Variants in PLD5 observed in about 807,000 individuals in gnomAD.
PLD5 encodes the protein inactive phospholipase D5.
PLD5 carries 36 observed loss-of-function variants against 61.1 expected under a neutral mutation model. The ratio of observed to expected loss-of-function variants is 0.59; its 90% confidence interval spans 0.45 to 0.78. The LOEUF (loss-of-function observed/expected upper bound fraction) is 0.78, where lower values mean the gene tolerates loss of function less well. Among genes scored for constraint, PLD5 ranks in the 30% least tolerant of loss-of-function variants. The pLI, the probability that PLD5 is intolerant of heterozygous loss-of-function variation, is 0.00. For missense variants in PLD5, 515 were observed against 644.4 expected, an observed-to-expected ratio of 0.80 and a Z score of 2.17; for synonymous variants, 243 against 242.8, an observed-to-expected ratio of 1.00 and a Z score of -0.01.
chr1:242,189,988 A>G (rs1326109580), intron 5 of PLD5, among the ~76,000 whole-genome samples: 2 of 151,882 alleles, frequency 1.3e-5, no homozygotes, highest in Non-Finnish European at 2.9e-5. Context: ...TATATTGTGA[A>G]GATTCAATTG....
At chr1:242,163,298 C>G (rs1036717307) in intron 5 of PLD5, among the ~76,000 whole-genome samples, 8 of 151,924 alleles carry the variant, frequency 5.3e-5, no homozygotes, top group Non-Finnish European at 8.8e-5. Context: ...CGCCCGCCAC[C>G]ACGCCCGGCT....
intron 1 of PLD5, among the ~76,000 whole-genome samples, chr1:242,394,306 ATATATGTGTG>A (rs1663230311): frequency 2.4e-5 from 2 of 84,898 alleles, no homozygotes; most frequent in Non-Finnish European, 4.6e-5. Flanking sequence ...ATATATGAGT[ATATATGTGTG>A]TATATATGAG....
At chr1:242,314,814 C>T (rs1220438868) in intron 2 of PLD5, among the ~76,000 whole-genome samples, 6 of 151,946 alleles carry the variant, frequency 3.9e-5, no homozygotes. Context: ...TAACTCTGAT[C>T]ACAAGCTTTT....
At chr1:242,210,641 A>C (rs1669750213) in intron 5 of PLD5, 1 of 152,530 alleles carries the variant, frequency 6.6e-6, no homozygotes, top group Admixed American at 6.6e-5. Context: ...TTCTGGCTCA[A>C]AATCACCCCC....
chr1:242,280,428 T>C (rs1204478648), intron 3 of PLD5, among the ~76,000 whole-genome samples: 3 of 151,630 alleles, frequency 2.0e-5, no homozygotes, highest in Non-Finnish European at 3.0e-5. Context: ...AATTATGCTT[T>C]CATTAATTTA....
intron 2 of PLD5, among the ~76,000 whole-genome samples, chr1:242,329,021 T>TA (rs1292262382): frequency 1.3e-5 from 2 of 151,368 alleles, no homozygotes; most frequent in Non-Finnish European, 2.9e-5. Flanking sequence ...TATTTATTAT[T>TA]TTTTTGAGAC....
In PLD5 at chr1:242,424,194, C is replaced by T. The variant is rs575984680; in HGVS notation, c.190-75952G>A. Among the ~76,000 whole-genome samples the T allele has an allele frequency of 8.5e-5, 13 of 152,164 alleles. No homozygotes were observed. The East Asian group carries it at 2.5e-3, about 29-fold the overall frequency. On this transcript the variant is annotated intron_variant, in intron 1 of 9. Transcript: ENST00000536534. Reference sequence around the variant, plus strand: ...TTATTGTCCATTTATTTTACAATCCCTCTCAATCTGGCTCCTGCCCCACCC... The same window carrying T: ...TTATTGTCCATTTATTTTACAATCCTTCTCAATCTGGCTCCTGCCCCACCC...
rs7523793 is a variant in PLD5, at chr1:242,089,722, T to C, written c.*132A>G. On this transcript the variant is annotated 3_prime_UTR_variant, in exon 10 of 10. Transcript: ENST00000536534. ...ATATTGTTAGATAGGTATTATGTGT[T>C]GTTCAGAGAATATTTTTTATAAGTG... is the stretch of plus-strand genomic sequence containing the variant. 0.35 allele frequency: 415,051 copies of C among 1,175,142 alleles called. 75,547 individuals are homozygous for C. Among genetic ancestry groups the C allele is most frequent in the African/African-American group, 0.44 (28,862 of 64,970 alleles). The allele number at this position is 1,175,142 out of a possible 1,614,324, so 72.8% of individuals were successfully genotyped here.
intron 5 of PLD5, among the ~76,000 whole-genome samples, chr1:242,216,627 C>T (rs974729032): frequency 2.0e-5 from 3 of 152,216 alleles, no homozygotes; most frequent in South Asian, 2.1e-4. Context: ...ATGCAAGCTT[C>T]GCTGACTGTT....
chr1:242,283,658 A>T (rs1186269758), intron 3 of PLD5, among the ~76,000 whole-genome samples: 1 of 152,240 alleles, frequency 6.6e-6, no homozygotes, highest in Non-Finnish European at 1.5e-5. Context: ...AAGAAAATTT[A>T]AATTTGTTCA....
chr1:242,265,299 C>A (rs563087045), intron 4 of PLD5, 38 bp downstream of exon 4: 1 of 1,582,548 alleles, frequency 6.3e-7, no homozygotes, highest in East Asian at 2.3e-5. Context: ...CTTAACAGAA[C>A]ACCCAGCGGT....
chr1:242,207,991 TACACACACACAC>T lies in PLD5; in HGVS notation c.735+11985_735+11996del, dbSNP rs34110062. 2.7e-4 allele frequency among the ~76,000 whole-genome samples: 11 copies of T among 40,258 alleles called. 1 individual carries two copies. The highest frequency in any genetic ancestry group is 1.5e-3 in the African/African-American group (10 of 6,836). 26.4% of individuals were successfully genotyped at this position (40,258 alleles called of 152,430 possible). On this transcript the variant is annotated intron_variant, in intron 5 of 9. Coordinates refer to ENST00000536534, the MANE Select transcript of PLD5 (RefSeq NM_001372062.1). ...ATATATATTTTTATATATATATTTA[TACACACACACAC>T]ACACACACACACACACACACATACA...
intron 5 of PLD5, among the ~76,000 whole-genome samples, chr1:242,173,153 C>T (rs1666870593): frequency 6.6e-6 from 1 of 152,090 alleles, no homozygotes; most frequent in African/African-American, 2.4e-5. Context: ...ATCTAGAAAA[C>T]CCCATCGTCT....
chr1:242,452,918 T>C (rs1666833756), intron 1 of PLD5, among the ~76,000 whole-genome samples: 1 of 151,404 alleles, frequency 6.6e-6, no homozygotes, highest in South Asian at 2.1e-4. Context: ...GGTACAACAG[T>C]GAAAAGTCTG....
chr1:242,404,790 G>A (rs1340559055), intron 1 of PLD5, among the ~76,000 whole-genome samples: 1 of 149,742 alleles, frequency 6.7e-6, no homozygotes, highest in African/African-American at 2.5e-5. Flanking sequence ...TAATATCTAT[G>A]ACTCCCACCC....
chr1:242,505,317 G>A (rs1553439), intron 1 of PLD5, among the ~76,000 whole-genome samples: 32,795 of 152,120 alleles, frequency 0.22, 3,807 homozygotes, highest in African/African-American at 0.28. Context: ...TTTGTAACAG[G>A]AAGGTTTAAT....
chr1:242,506,739 T>C (rs531952527), intron 1 of PLD5, among the ~76,000 whole-genome samples: 1 of 152,298 alleles, frequency 6.6e-6, no homozygotes, highest in Non-Finnish European at 1.5e-5. Flanking sequence ...CAGAGCTACT[T>C]TGAAACCAAG....
intron 8 of PLD5, among the ~76,000 whole-genome samples, chr1:242,102,636 A>G (rs1474088210): frequency 2.0e-5 from 3 of 152,144 alleles, no homozygotes; most frequent in African/African-American, 7.2e-5. Flanking sequence ...CCTAGTTCCC[A>G]GGCCATGTGC....
intron 3 of PLD5, among the ~76,000 whole-genome samples, chr1:242,269,126 A>G (rs1480798860): frequency 2.0e-5 from 3 of 152,206 alleles, no homozygotes; most frequent in African/African-American, 7.2e-5. Context: ...TATAGGCATG[A>G]GCCACTGTGC....
Sources: allele counts gnomAD v4.1 joint callset (sites outside exome capture counted in the v4.1 genomes callset), GRCh38; gene constraint gnomAD v4.1.1; transcripts MANE v1.5; gene names NCBI Gene and HGNC (gene_info 2026-07-23, HGNC 2026-07-21).